Variants in BAZ2B observed in about 807,000 individuals in gnomAD.
The protein encoded by BAZ2B is bromodomain adjacent to zinc finger domain protein 2B.
A neutral mutation model predicts 246.0 loss-of-function variants in BAZ2B; 91 were observed. The ratio of observed to expected loss-of-function variants is 0.37; its 90% CI spans 0.31 to 0.44. BAZ2B has a LOEUF of 0.44. Among genes scored for constraint, BAZ2B ranks in the 20% least tolerant of loss-of-function variants. BAZ2B has a pLI of 1.00. For synonymous variants in BAZ2B, 855 were observed against 860.0 expected (o/e 0.99, Z 0.10); for missense variants, 2,332 against 2,533.7 (o/e 0.92, Z 1.71).
the BAZ2B span, among the ~76,000 whole-genome samples, chr2:159,641,614 C>T: frequency 6.6e-6 from 1 of 152,026 alleles, no homozygotes; most frequent in Non-Finnish European, 1.5e-5. Flanking sequence ...CTTTTGGAGT[C>T]CGGTCATGAA....
the BAZ2B span, among the ~76,000 whole-genome samples, chr2:159,704,505 G>A: frequency 0.07 from 8,610 of 122,906 alleles, 378 homozygotes; most frequent in Middle Eastern, 0.14. Flanking sequence ...TTTTTGAGAC[G>A]GAGTTTCGCT....
intron 1 of BAZ2B, among the ~76,000 whole-genome samples, chr2:159,563,362 C>A (rs555578594): frequency 6.6e-6 from 1 of 152,094 alleles, no homozygotes; most frequent in African/African-American, 2.4e-5. Flanking sequence ...TTTGCAATAC[C>A]ATAATTATCG....
intron 13 of BAZ2B, among the ~76,000 whole-genome samples, chr2:159,423,116 C>A (rs893346684): frequency 3.3e-5 from 5 of 152,010 alleles, no homozygotes; most frequent in Non-Finnish European, 7.4e-5. Flanking sequence ...GAGATTGAGA[C>A]CATCCTGGCT....
chr2:159,586,362 T>C (rs1688009688), intron 1 of BAZ2B, among the ~76,000 whole-genome samples: 1 of 152,172 alleles, frequency 6.6e-6, no homozygotes, highest in African/African-American at 2.4e-5. Context: ...AGGCTATAGA[T>C]ACAAACCTGC....
chr2:159,428,546 AAAC>A, intron 11 of BAZ2B, 127 bp from the exon 12 acceptor site: 1 of 571,990 alleles, frequency 1.7e-6, no homozygotes, highest in Non-Finnish European at 2.9e-6. Context: ...TAAACTCCTC[AAAC>A]AACCCAAATA....
intron 25 of BAZ2B, among the ~76,000 whole-genome samples, chr2:159,381,767 T>C (rs1385720168): frequency 6.6e-6 from 1 of 152,180 alleles, no homozygotes; most frequent in Non-Finnish European, 1.5e-5. Context: ...AAGATCCTAG[T>C]TCATCATTGT....
At chr2:159,643,337 C>T in the BAZ2B span, among the ~76,000 whole-genome samples, 1 of 152,116 alleles carries the variant, frequency 6.6e-6, no homozygotes, top group African/African-American at 2.4e-5. Flanking sequence ...TTGCTCCTTC[C>T]TAACATGGCA....
At chr2:159,591,608 C>T (rs1210266476) in intron 1 of BAZ2B, among the ~76,000 whole-genome samples, 1 of 151,970 alleles carries the variant, frequency 6.6e-6, no homozygotes, top group East Asian at 1.9e-4. Context: ...AAGGGAGGAC[C>T]TTGCCATTCC....
chr2:159,498,747 T>C (rs892181499), intron 2 of BAZ2B, among the ~76,000 whole-genome samples: 3 of 152,204 alleles, frequency 2.0e-5, no homozygotes, highest in Non-Finnish European at 4.4e-5. Flanking sequence ...GGTCAAATTA[T>C]GTATTAACTT....
At chr2:159,381,363 C>T (rs1005765958) in intron 25 of BAZ2B, among the ~76,000 whole-genome samples, 1 of 152,042 alleles carries the variant, frequency 6.6e-6, no homozygotes, top group African/African-American at 2.4e-5. Flanking sequence ...CCTCCCCCTG[C>T]CCCCAATTAT....
In BAZ2B at chr2:159,433,378, G is replaced by T; in HGVS notation, c.1294-15C>A. On this transcript the variant is annotated splice_polypyrimidine_tract_variant and intron_variant, in intron 8 of 36. Transcript: ENST00000392783. The stretch of plus-strand genomic sequence containing the variant: ...TTATATTGTTCCTGTTGAAACATAA[G>T]TTAAAAAACACAACAAAATGTACCA... 1 of 1,580,996 alleles carries T rather than the reference G, an allele frequency of 6.3e-7. No individual in the cohort carries two copies. The highest frequency in any genetic ancestry group is 8.6e-7 in the Non-Finnish European group (1 of 1,166,160).
intron 2 of BAZ2B, among the ~76,000 whole-genome samples, chr2:159,506,216 C>T (rs781781881): frequency 6.6e-6 from 1 of 152,098 alleles, no homozygotes; most frequent in Non-Finnish European, 1.5e-5. Context: ...AGGCTCTCTA[C>T]CCATGAATCC....
In BAZ2B at chr2:159,350,165, A is replaced by G. The variant is rs1462875844; in HGVS notation, c.4406T>C (p.Leu1469Ser). 2 of 1,613,942 alleles carry G rather than the reference A, an allele frequency of 1.2e-6. No individual in the cohort carries two copies. The highest frequency in any genetic ancestry group is 1.7e-6 in the Non-Finnish European group (2 of 1,179,988). ...CTTAGCTACTTCCAAAAGCTTGCTT[A>G]ATTTGGAAAAAGAGCCAGGTTTCTG... ...FLQKPGSFSKLSKLLEVAKMP... is the reference protein window; with the variant it reads ...FLQKPGSFSKSSKLLEVAKMP... Residue 1469 changes from leucine (L) to serine (S), a missense_variant, in exon 28 of 37, where the codon TTA becomes TCA. Coordinates refer to ENST00000392783, the MANE Select transcript of BAZ2B (RefSeq NM_013450.4).
intron 6 of BAZ2B, among the ~76,000 whole-genome samples, chr2:159,441,707 TG>T: frequency 6.6e-6 from 1 of 152,326 alleles, no homozygotes; most frequent in Non-Finnish European, 1.5e-5. Flanking sequence ...TGGAGTGCAA[TG>T]GTGCTTTCAT....
chr2:159,348,978 G>A lies in BAZ2B; in HGVS notation c.5137+29C>T, dbSNP rs771537836. On this transcript the variant is annotated intron_variant, in intron 29 of 36. Coordinates refer to ENST00000392783, the MANE Select transcript of BAZ2B (RefSeq NM_013450.4). ...AATCCATAATATTGAAATTGAGTAAGTGGCTGTAAACCATCTCAATGTACC... is the reference window on the plus strand; with the variant it reads ...AATCCATAATATTGAAATTGAGTAAATGGCTGTAAACCATCTCAATGTACC... 7.5e-6 allele frequency: 12 copies of A among 1,606,424 alleles called. No homozygotes were observed. The Middle Eastern group carries it at 5.0e-4, about 67-fold the overall frequency.
intron 8 of BAZ2B, 104 bp from the exon 9 acceptor site, chr2:159,433,467 A>G (rs1180820789): frequency 1.7e-5 from 18 of 1,037,766 alleles, no homozygotes; most frequent in Non-Finnish European, 2.4e-5. Context: ...ATTATATCAT[A>G]TATAAATTTA....
At chr2:159,402,102 T>C (rs1367312579) in intron 16 of BAZ2B, among the ~76,000 whole-genome samples, 1 of 152,234 alleles carries the variant, frequency 6.6e-6, no homozygotes, top group Non-Finnish European at 1.5e-5. Flanking sequence ...TTCTTTGATT[T>C]TGGTGATCTT....
intron 2 of BAZ2B, among the ~76,000 whole-genome samples, chr2:159,545,888 T>C (rs1437836157): frequency 6.6e-6 from 1 of 152,202 alleles, no homozygotes; most frequent in Non-Finnish European, 1.5e-5. Flanking sequence ...ATTATATTGT[T>C]ACTGAAATAT....
chr2:159,624,946 AG>A, the BAZ2B span, among the ~76,000 whole-genome samples: 1 of 152,132 alleles, frequency 6.6e-6, no homozygotes, highest in Non-Finnish European at 1.5e-5. Context: ...AAAAGGTTAG[AG>A]GAACTGCTAA....
Sources: gnomAD v4.1 joint callset for allele counts (sites outside exome capture counted in the v4.1 genomes callset) on GRCh38, gnomAD v4.1.1 for gene constraint, MANE v1.5 for transcripts, NCBI Gene and HGNC (gene_info 2026-07-23, HGNC 2026-07-21) for gene names.